Variants in CC2D2A observed in about 807,000 individuals in gnomAD.
The protein encoded by CC2D2A is coiled-coil and C2 domain containing 2A.
CC2D2A carries 155 observed loss-of-function variants against 212.9 expected under a neutral mutation model. The ratio of observed to expected loss-of-function variants is 0.73; its 90% CI spans 0.64 to 0.83. The LOEUF (loss-of-function observed/expected upper bound fraction) is 0.83, where lower values mean the gene tolerates loss of function less well. Among genes scored for constraint, CC2D2A ranks in the 40% least tolerant of loss-of-function variants. The pLI, the probability that CC2D2A is intolerant of heterozygous loss-of-function variation, is 0.00. For synonymous variants in CC2D2A, 667 were observed against 686.5 expected (o/e 0.97, Z 0.44); for missense variants, 1,856 against 1,956.2 (o/e 0.95, Z 0.97).
chr4:15,587,753 T>C (rs1720914757), intron 31 of CC2D2A, 63 bp from the exon 32 acceptor site: 4 of 887,102 alleles, frequency 4.5e-6, no homozygotes, highest in Non-Finnish European at 5.5e-6. Context: ...ATTAGAATCC[T>C]GCACAACCAA....
At position 15,553,277 on chromosome 4, in the gene CC2D2A, T is replaced by C; in HGVS notation, c.2458T>C (p.Leu820=). ...GENGIPLIPP[L]SQQNIGFRSA... is the part of the protein sequence containing the mutation. ...AAACGGGATACCTTTAATTCCTCCATTGTCACAGCAGAACATCGGATTTCG... is the reference window on the plus strand; with the variant it reads ...AAACGGGATACCTTTAATTCCTCCACTGTCACAGCAGAACATCGGATTTCG... The change falls in exon 19 of 37, where the codon TTG becomes CTG. Residue 820 remains leucine, a synonymous_variant. Transcript: ENST00000424120. The C allele has an allele frequency of 1.9e-6, 3 of 1,613,116 alleles. No individual in the cohort carries two copies. Among genetic ancestry groups the C allele is most frequent in the Non-Finnish European group, 1.7e-6 (2 of 1,179,552 alleles).
chr4:15,542,901 T>C (rs1290231985), intron 17 of CC2D2A, among the ~76,000 whole-genome samples: 23 of 152,224 alleles, frequency 1.5e-4, no homozygotes, highest in Non-Finnish European at 3.4e-4. Context: ...AAAAACCTTC[T>C]ACAACCTGTA....
chr4:15,556,414 T>C (rs1719283527), intron 20 of CC2D2A, among the ~76,000 whole-genome samples: 1 of 152,202 alleles, frequency 6.6e-6, no homozygotes, highest in East Asian at 1.9e-4. Context: ...CTAATAGAAA[T>C]ATTTGGAAGA....
chr4:15,599,991 CTG>C (rs1224629515), intron 36 of CC2D2A, among the ~76,000 whole-genome samples: 5 of 152,264 alleles, frequency 3.3e-5, no homozygotes, highest in African/African-American at 7.2e-5. Flanking sequence ...TTAGACACAA[CTG>C]TGCATAAGGA....
At chr4:15,551,056 C>A in intron 18 of CC2D2A, 76 bp downstream of exon 18, 5 of 1,153,606 alleles carry the variant, frequency 4.3e-6, no homozygotes, top group South Asian at 4.6e-5. Context: ...ATTTCACTTC[C>A]CAGACAACCA....
At chr4:15,503,775 T>C (rs1448212702) in intron 6 of CC2D2A, among the ~76,000 whole-genome samples, 1 of 152,188 alleles carries the variant, frequency 6.6e-6, no homozygotes, top group Non-Finnish European at 1.5e-5. Context: ...AATCTCAATA[T>C]GTGTTCCTCC....
intron 32 of CC2D2A, 61 bp downstream of exon 32, chr4:15,587,990 C>G: frequency 1.1e-6 from 1 of 892,286 alleles, no homozygotes; most frequent in Non-Finnish European, 1.8e-6. Context: ...GTTGTGTGTT[C>G]CAGATCACAC....
chr4:15,580,199 G>A (rs757121401), intron 30 of CC2D2A, 28 bp downstream of exon 30: 2 of 1,538,802 alleles, frequency 1.3e-6, no homozygotes, highest in Admixed American at 1.7e-5. Flanking sequence ...AATAAGTGCT[G>A]TGCTAAAACT....
intron 29 of CC2D2A, 56 bp from the exon 30 acceptor site, chr4:15,579,912 A>G: frequency 7.2e-7 from 1 of 1,389,438 alleles, no homozygotes; most frequent in Non-Finnish European, 1.0e-6. Context: ...GAATCTGAAC[A>G]CGTACTTTCT....
At chr4:15,556,386 T>A (rs571659900) in intron 20 of CC2D2A, among the ~76,000 whole-genome samples, 1 of 152,342 alleles carries the variant, frequency 6.6e-6, no homozygotes, top group African/African-American at 2.4e-5. Flanking sequence ...TCCTAAAGCA[T>A]GATACACCTT....
At chr4:15,548,992 T>C (rs2109047931) in intron 17 of CC2D2A, among the ~76,000 whole-genome samples, 1 of 152,354 alleles carries the variant, frequency 6.6e-6, no homozygotes, top group South Asian at 2.1e-4. Flanking sequence ...TAGTTGAGGT[T>C]ATTAAGGAAT....
intron 4 of CC2D2A, chr4:15,492,623 T>C (rs1257285898): frequency 6.3e-6 from 3 of 475,310 alleles, no homozygotes; most frequent in Non-Finnish European, 8.0e-6. Context: ...GAGGGGAGAT[T>C]CTCAGTGAGG....
chr4:15,535,796 T>C (rs1718096235), intron 14 of CC2D2A, among the ~76,000 whole-genome samples: 1 of 152,188 alleles, frequency 6.6e-6, no homozygotes, highest in South Asian at 2.1e-4. Flanking sequence ...TATGCACTTG[T>C]CTAAGTTTAT....
intron 14 of CC2D2A, among the ~76,000 whole-genome samples, chr4:15,533,734 G>A (rs1441473893): frequency 1.3e-5 from 2 of 152,184 alleles, no homozygotes; most frequent in Non-Finnish European, 2.9e-5. Flanking sequence ...CATAGCTGTA[G>A]TTAGATTTCT....
intron 11 of CC2D2A, among the ~76,000 whole-genome samples, chr4:15,525,060 T>C (rs1717434328): frequency 6.6e-6 from 1 of 152,220 alleles, no homozygotes; most frequent in South Asian, 2.1e-4. Context: ...CAATGACTAC[T>C]AAGTGTCCTG....
chr4:15,509,383 C>G (rs1281339726), intron 6 of CC2D2A, among the ~76,000 whole-genome samples: 2 of 151,392 alleles, frequency 1.3e-5, no homozygotes, highest in Non-Finnish European at 2.9e-5. Context: ...AAGGGATTTT[C>G]CTGCCTCAGC....
At chr4:15,514,504 T>C (rs1481145778) in intron 8 of CC2D2A, among the ~76,000 whole-genome samples, 1 of 152,264 alleles carries the variant, frequency 6.6e-6, no homozygotes, top group Non-Finnish European at 1.5e-5. Flanking sequence ...CTTCCAGGTG[T>C]GCAGAATACT....
At chr4:15,499,904 C>T (rs917257331) in intron 4 of CC2D2A, among the ~76,000 whole-genome samples, 5 of 147,314 alleles carry the variant, frequency 3.4e-5, no homozygotes, top group Non-Finnish European at 5.9e-5. Flanking sequence ...GCCTTCCCTG[C>T]GTGGCTGGGG....
chr4:15,480,805 G>A lies in CC2D2A; in HGVS notation c.225G>A (p.Met75Ile). 6.2e-7 allele frequency: 1 copy of A among 1,613,334 alleles called. No homozygotes were observed. Among genetic ancestry groups the A allele is most frequent in the South Asian group, 1.1e-5 (1 of 90,934 alleles). The change falls in exon 4 of 37, where the codon ATG (methionine) becomes ATA (isoleucine). Residue 75 changes from methionine to isoleucine, a missense_variant. Met to Ile is a conservative substitution (Grantham distance 10). Coordinates refer to ENST00000424120, the MANE Select transcript of CC2D2A (RefSeq NM_001378615.1). ...AGCCCAAGACCCGCCTCCTGAGTAT[G>A]ACAGTCCGGAGAGGCCCACGGAGTA... ...QEEPKTRLLSMTVRRGPRSLP... is the reference protein window; with the variant it reads ...QEEPKTRLLSITVRRGPRSLP...
Sources: gnomAD v4.1 joint callset for allele counts (sites outside exome capture counted in the v4.1 genomes callset) on GRCh38, gnomAD v4.1.1 for gene constraint, MANE v1.5 for transcripts, NCBI Gene and HGNC (gene_info 2026-07-23, HGNC 2026-07-21) for gene names.